The following PLCB4 variants were observed in gnomAD, a reference collection of about 807,000 sequenced individuals.
The protein encoded by PLCB4 is 1-phosphatidylinositol 4,5-bisphosphate phosphodiesterase beta-4.
PLCB4 carries 77 observed loss-of-function variants against 178.8 expected under a neutral mutation model. The ratio of observed to expected loss-of-function variants is 0.43; its 90% CI spans 0.36 to 0.52. The LOEUF (loss-of-function observed/expected upper bound fraction) is 0.52, where lower values mean the gene tolerates loss of function less well. Ranked by LOEUF, PLCB4 falls within the 20% of genes least tolerant of loss-of-function variation. The pLI is 0.00. For synonymous variants in PLCB4, 496 were observed against 490.8 expected, an observed-to-expected ratio of 1.01 and a Z score of -0.14; for missense variants, 1,024 against 1,453.4, an observed-to-expected ratio of 0.70 and a Z score of 4.80.
At position 9,468,644 on chromosome 20, in the gene PLCB4, T is replaced by A. The variant is rs773748548; in HGVS notation, c.3322T>A (p.Ser1108Thr). The A allele has an allele frequency of 8.7e-6, 14 of 1,607,944 alleles. No homozygotes were observed. Among genetic ancestry groups the A allele is most frequent in the Non-Finnish European group, 1.2e-5 (14 of 1,174,660 alleles). Reference sequence around the variant, plus strand: ...TAGCAAAGCCATCAGCCAAGATAAATCTATCAAGAATAAAGCAGAACGGGA... The same window carrying A: ...TAGCAAAGCCATCAGCCAAGATAAAACTATCAAGAATAAAGCAGAACGGGA... ...ENSKAISQDK[S>T]IKNKAERERR... Residue 1108 changes from serine (S) to threonine (T), a missense_variant, in exon 36 of 40, where the codon TCT becomes ACT. Physicochemically the swap from Ser to Thr is moderately conservative, Grantham distance 58. Coordinates refer to ENST00000378473, the MANE Select transcript of PLCB4 (RefSeq NM_001377142.1).
At chr20:9,171,146 A>G (rs1451585230) in intron 2 of PLCB4, among the ~76,000 whole-genome samples, 1 of 152,216 alleles carries the variant, frequency 6.6e-6, no homozygotes, top group African/African-American at 2.4e-5. Flanking sequence ...GTGTGTGAAT[A>G]TGATTTATAA....
intron 4 of PLCB4, among the ~76,000 whole-genome samples, chr20:9,331,550 C>T (rs1157134095): frequency 6.6e-6 from 1 of 152,190 alleles, no homozygotes; most frequent in African/African-American, 2.4e-5. Flanking sequence ...AGGAATTTCT[C>T]CACTTCAATC....
At chr20:9,310,920 T>C (rs1299628073) in intron 4 of PLCB4, among the ~76,000 whole-genome samples, 1 of 152,230 alleles carries the variant, frequency 6.6e-6, no homozygotes, top group Non-Finnish European at 1.5e-5. Context: ...TGGTAGGCTG[T>C]GATTGTATTG....
At position 9,444,186 on chromosome 20, in the gene PLCB4, G is replaced by T; in HGVS notation, c.2823G>T (p.Leu941Phe). The T allele has an allele frequency of 6.2e-7, 1 of 1,601,626 alleles. No individual in the cohort carries two copies. The highest frequency in any genetic ancestry group is 1.1e-5 in the South Asian group (1 of 90,144). ...IEDLKQMKAY[L>F]KHLKKQQKEL... ...CTATTTTTCTCCCAAAGGCTTACTT[G>T]AAGCATTTAAAGAAACAGCAGAAGG... Residue 941 changes from leucine to phenylalanine, a missense_variant, in exon 32 of 40, where the codon TTG becomes TTT. Around this residue, in one of 7 missense-constraint regions of PLCB4, gnomAD observed 227 missense variants for 374.3 expected, o/e 0.61. Transcript: ENST00000378473.
rs755034438 is a variant in PLCB4 at position 9,371,268 on chromosome 20, C to T, written c.558C>T (p.Leu186=). ...GKTEKVIFQA[L]KELGLPSGKN... ...CAGAAAAGGTGATCTTTCAAGCACT[C>T]AAGGAGTTAGGTCTTCCCAGTGGAA... Residue 186 remains leucine (L), a synonymous_variant, in exon 10 of 40, where the codon CTC becomes CTT. Transcript: ENST00000378473. 1.9e-4 allele frequency: 307 copies of T among 1,607,582 alleles called. 1 individual carries two copies. The highest frequency in any genetic ancestry group is 2.5e-4 in the Non-Finnish European group (299 of 1,174,328).
At chr20:9,299,607 C>T (rs1311830732) in intron 3 of PLCB4, among the ~76,000 whole-genome samples, 1 of 151,786 alleles carries the variant, frequency 6.6e-6, no homozygotes, top group Non-Finnish European at 1.5e-5. Context: ...TTTAGAAACT[C>T]TTCTAAATTT....
intron 4 of PLCB4, among the ~76,000 whole-genome samples, chr20:9,315,766 C>T (rs183697484): frequency 1.5e-3 from 221 of 152,118 alleles, no homozygotes; most frequent in African/African-American, 5.1e-3. Context: ...AATCCCATCT[C>T]TACTAAAAAT....
intron 3 of PLCB4, among the ~76,000 whole-genome samples, chr20:9,274,275 G>A (rs2094432726): frequency 6.6e-6 from 1 of 152,018 alleles, no homozygotes; most frequent in Non-Finnish European, 1.5e-5. Context: ...CCTTTCTAAT[G>A]CTATAGTTTC....
intron 13 of PLCB4, among the ~76,000 whole-genome samples, chr20:9,383,463 G>A (rs2037318008): frequency 6.6e-6 from 1 of 152,166 alleles, no homozygotes; most frequent in Admixed American, 6.5e-5. Flanking sequence ...ACAAAAACTT[G>A]AAGCTGTCGA....
chr20:9,224,959 T>G (rs945920262), intron 3 of PLCB4, among the ~76,000 whole-genome samples: 2 of 152,200 alleles, frequency 1.3e-5, no homozygotes, highest in African/African-American at 4.8e-5. Flanking sequence ...TTTCCCTCCT[T>G]TCTTTTGTGA....
intron 1 of PLCB4, among the ~76,000 whole-genome samples, chr20:9,093,120 C>G (rs1844519595): frequency 6.6e-6 from 1 of 152,116 alleles, no homozygotes; most frequent in African/African-American, 2.4e-5. Flanking sequence ...ATGCATAAGG[C>G]CTTAGGATAT....
At chr20:9,240,099 A>C (rs1328399486) in intron 3 of PLCB4, among the ~76,000 whole-genome samples, 1 of 152,206 alleles carries the variant, frequency 6.6e-6, no homozygotes, top group Non-Finnish European at 1.5e-5. Flanking sequence ...ACACTGAGGT[A>C]CAATACTTTG....
chr20:9,401,186 A>G (rs2038997409), intron 19 of PLCB4, among the ~76,000 whole-genome samples: 1 of 152,200 alleles, frequency 6.6e-6, no homozygotes, highest in Non-Finnish European at 1.5e-5. Flanking sequence ...TTTCATTTTT[A>G]GAATTAGTAT....
At chr20:9,162,311 A>G (rs1432177997) in intron 2 of PLCB4, among the ~76,000 whole-genome samples, 2 of 152,146 alleles carry the variant, frequency 1.3e-5, no homozygotes, top group Admixed American at 6.6e-5. Context: ...TCTTTAATCC[A>G]TAGACTTTTG....
chr20:9,356,953 A>C (rs2034885326), intron 7 of PLCB4, among the ~76,000 whole-genome samples: 1 of 151,974 alleles, frequency 6.6e-6, no homozygotes, highest in South Asian at 2.1e-4. Context: ...CCATCTCTGC[A>C]AAAAATACCA....
chr20:9,427,704 C>T (rs879383567), intron 28 of PLCB4, among the ~76,000 whole-genome samples: 73 of 152,190 alleles, frequency 4.8e-4, no homozygotes, highest in Admixed American at 3.3e-4. Context: ...GGCAATGAAA[C>T]GAGGGTCAGT....
chr20:9,206,299 C>CTTTTTTCTTTTT (rs1568948051), intron 2 of PLCB4, among the ~76,000 whole-genome samples: 5 of 96,126 alleles, frequency 5.2e-5, no homozygotes, highest in African/African-American at 7.7e-5. Flanking sequence ...TTTCTTTTTT[C>CTTTTTTCTTTTT]TTTTTTTTTT....
At chr20:9,304,102 G>T in intron 3 of PLCB4, among the ~76,000 whole-genome samples, 1 of 118,120 alleles carries the variant, frequency 8.5e-6, no homozygotes. Context: ...ACTGATCATT[G>T]TTTTACTATT....
At chr20:9,390,782 A>G (rs2038078131) in intron 17 of PLCB4, among the ~76,000 whole-genome samples, 167 bp downstream of exon 17, 1 of 150,308 alleles carries the variant, frequency 6.7e-6, no homozygotes, top group East Asian at 1.9e-4. Flanking sequence ...AAGAGACACA[A>G]AATAAACATC....
Sources: allele counts gnomAD v4.1 joint callset (sites outside exome capture counted in the v4.1 genomes callset), GRCh38; gene constraint gnomAD v4.1.1; regional missense constraint gnomAD v4.1.1; transcripts MANE v1.5; gene names NCBI Gene and HGNC (gene_info 2026-07-23, HGNC 2026-07-21).